The following NELL1 variants were observed in gnomAD, a reference collection of about 807,000 sequenced individuals.
NELL1 encodes neural EGFL like 1, also known as protein kinase C-binding protein NELL1.
Under a neutral mutation model 107.4 loss-of-function variants are expected in NELL1, and 76 were observed. The ratio of observed to expected loss-of-function variants is 0.71; its 90% CI spans 0.59 to 0.86. The LOEUF (loss-of-function observed/expected upper bound fraction) is 0.86. NELL1 is among the 40% of genes least tolerant of loss of function. NELL1 has a pLI of 0.00. For missense variants in NELL1, 1,024 were observed against 1,005.5 expected (o/e 1.02, Z -0.25); for synonymous variants, 353 against 341.2 (o/e 1.03, Z -0.38).
At chr11:20,733,983 T>C (rs1421998944) in intron 2 of NELL1, among the ~76,000 whole-genome samples, 1 of 151,882 alleles carries the variant, frequency 6.6e-6, no homozygotes, top group East Asian at 1.9e-4. Flanking sequence ...AGCAACAGAG[T>C]ACAGGTGATA....
At chr11:20,830,255 T>TC (rs1857979626) in intron 3 of NELL1, among the ~76,000 whole-genome samples, 2 of 145,520 alleles carry the variant, frequency 1.4e-5, no homozygotes, top group Non-Finnish European at 3.0e-5. Context: ...AGACACCATC[T>TC]CAAAAAAAAA....
intron 2 of NELL1, among the ~76,000 whole-genome samples, chr11:20,776,086 G>A (rs1353076483): frequency 3.9e-5 from 6 of 152,186 alleles, no homozygotes; most frequent in Non-Finnish European, 8.8e-5. Context: ...ACTGTGCTTG[G>A]TGTAGTGTAC....
In NELL1 at chr11:20,880,907, G is replaced by T. The variant is rs534368963; in HGVS notation, c.507-4537G>T. 7.9e-5 allele frequency among the ~76,000 whole-genome samples: 12 copies of T among 152,324 alleles called. No individual in the cohort carries two copies. The South Asian group carries it at 1.7e-3, about 21-fold the overall frequency. ...ATAAAGGGAAAGAGACAGCATGGAA[G>T]ATACCTGAGGGAGTTTTTAAATTAT... is the stretch of plus-strand genomic sequence containing the variant. On this transcript the variant is annotated intron_variant, in intron 4 of 19. Transcript: ENST00000357134.
intron 14 of NELL1, among the ~76,000 whole-genome samples, chr11:21,341,131 A>C (rs991616413): frequency 2.0e-5 from 3 of 152,156 alleles, no homozygotes; most frequent in African/African-American, 7.2e-5. Flanking sequence ...GCACTGACTG[A>C]TAAAAAGAAA....
chr11:21,489,941 C>G (rs1439920508), intron 15 of NELL1, among the ~76,000 whole-genome samples: 1 of 151,730 alleles, frequency 6.6e-6, no homozygotes. Flanking sequence ...ACTGGGAGCC[C>G]TCAGCAAAAC....
chr11:20,709,653 T>G (rs1855062445), intron 2 of NELL1, among the ~76,000 whole-genome samples: 1 of 152,224 alleles, frequency 6.6e-6, no homozygotes, highest in Non-Finnish European at 1.5e-5. Flanking sequence ...TTCACAATAT[T>G]GATTCTACCC....
intron 13 of NELL1, among the ~76,000 whole-genome samples, chr11:21,218,011 A>C (rs974678500): frequency 6.6e-6 from 1 of 152,234 alleles, no homozygotes; most frequent in African/African-American, 2.4e-5. Context: ...TTAGTGCTTG[A>C]ATATTAGTTA....
At chr11:20,696,542 C>T (rs1175180427) in intron 2 of NELL1, among the ~76,000 whole-genome samples, 4 of 151,970 alleles carry the variant, frequency 2.6e-5, no homozygotes, top group Non-Finnish European at 5.9e-5. Flanking sequence ...CAAAAGGGAC[C>T]TAATAAATGA....
In NELL1 at chr11:21,500,877, G is replaced by A. The variant is rs553601079; in HGVS notation, c.1646-33497G>A. ...ACTGATGTCCAACATCATACTTGCC[G>A]TTGTTAAGTGTAAGACTCAAACTCA... On this transcript the variant is annotated intron_variant, in intron 15 of 19. Transcript: ENST00000357134. 5.9e-5 allele frequency among the ~76,000 whole-genome samples: 9 copies of A among 152,180 alleles called. No homozygotes were observed. In the South Asian group the frequency reaches 1.0e-3, roughly 18 times the overall value.
At chr11:21,273,233 G>A (rs551206671) in intron 14 of NELL1, among the ~76,000 whole-genome samples, 1 of 152,236 alleles carries the variant, frequency 6.6e-6, no homozygotes, top group Admixed American at 6.5e-5. Flanking sequence ...TGAAAACCAA[G>A]GCATGCGAAC....
At chr11:20,818,195 C>T (rs1857666049) in intron 3 of NELL1, among the ~76,000 whole-genome samples, 1 of 152,126 alleles carries the variant, frequency 6.6e-6, no homozygotes, top group Non-Finnish European at 1.5e-5. Flanking sequence ...AAGTCCCCAA[C>T]TATTATGTGT....
Position 20,947,367 on chromosome 11 carries a change from G to A in NELL1, c.1103G>A (p.Cys368Tyr). The A allele has an allele frequency of 6.2e-7, 1 of 1,613,898 alleles. No homozygotes were observed. ...GGVLVKITEM[C>Y]PPLNCSEKDH... is the part of the protein sequence containing the mutation. The stretch of plus-strand genomic sequence containing the variant: ...GTTTTAGTAAAAATTACAGAAATGT[G>A]TCCTCCTTTGAACTGCTCAGAAAAG... Residue 368 changes from cysteine to tyrosine, a missense_variant, in exon 11 of 20, where the codon TGT becomes TAT. Cys to Tyr is a radical substitution (Grantham distance 194, BLOSUM62 -2). Transcript: ENST00000357134.
chr11:20,819,163 C>A (rs1323885124), intron 3 of NELL1, among the ~76,000 whole-genome samples: 1 of 152,096 alleles, frequency 6.6e-6, no homozygotes, highest in African/African-American at 2.4e-5. Flanking sequence ...ATTTTTAATG[C>A]CATTTATTTG....
rs1565160413 is a variant in NELL1, at chr11:21,309,284, A to ATATATATATG, written c.1550-61560_1550-61559insGTATATATAT. On this transcript the variant is annotated intron_variant, in intron 14 of 19. Coordinates refer to ENST00000357134, the MANE Select transcript of NELL1 (RefSeq NM_006157.5). ...TGTATATATATATATATATATGTATATATATATATATATATGTATATATAT... is the reference window on the plus strand; with the variant it reads ...TGTATATATATATATATATATGTATATATATATATGTATATATATATATATGTATATATAT... 1.4e-3 allele frequency among the ~76,000 whole-genome samples: 91 copies of ATATATATATG among 62,778 alleles called. 1 individual carries two copies. Among genetic ancestry groups the ATATATATATG allele is most frequent in the Admixed American group, 3.5e-3 (19 of 5,420 alleles). The allele number at this position is 62,778 out of a possible 152,430, so 41.2% of individuals were successfully genotyped here. A position where few individuals can be genotyped will look rare whatever the true frequency, so the allele number is the denominator to read the frequency against.
intron 13 of NELL1, among the ~76,000 whole-genome samples, chr11:21,137,868 T>C (rs1855778926): frequency 6.6e-6 from 1 of 152,340 alleles, no homozygotes; most frequent in African/African-American, 2.4e-5. Flanking sequence ...GTGAATGCAC[T>C]GGCTCGATCT....
chr11:21,205,402 GT>G (rs1335402632), intron 13 of NELL1, among the ~76,000 whole-genome samples: 1 of 152,308 alleles, frequency 6.6e-6, no homozygotes, highest in Non-Finnish European at 1.5e-5. Flanking sequence ...CTGCGGCTTT[GT>G]TTACACCGTG....
rs538165905 is a variant in NELL1 at position 20,676,262 on chromosome 11, C to A, written c.56-1670C>A. Reference sequence around the variant, plus strand: ...CTTTCTAAAGTAGGACCCCCCCATCCAAGTTGCTTTCTATCCCATTACTCT... The same window carrying A: ...CTTTCTAAAGTAGGACCCCCCCATCAAAGTTGCTTTCTATCCCATTACTCT... On this transcript the variant is annotated intron_variant, in intron 1 of 19. Transcript: ENST00000357134. Among the ~76,000 whole-genome samples, 4 of 149,846 alleles carry A rather than the reference C, an allele frequency of 2.7e-5. No individual in the cohort carries two copies. The South Asian group carries it at 8.7e-4, about 33-fold the overall frequency.
At chr11:21,490,368 G>T (rs1305443114) in intron 15 of NELL1, among the ~76,000 whole-genome samples, 1 of 141,974 alleles carries the variant, frequency 7.0e-6, no homozygotes, top group African/African-American at 2.6e-5. Flanking sequence ...ACTGTCCAAA[G>T]AAATATACAG....
At chr11:21,420,693 C>T (rs929633425) in intron 15 of NELL1, among the ~76,000 whole-genome samples, 1 of 152,130 alleles carries the variant, frequency 6.6e-6, no homozygotes, top group African/African-American at 2.4e-5. Flanking sequence ...CATCAGAAGA[C>T]TGGAGGTTTG....
Sources: gnomAD v4.1 joint callset for allele counts (sites outside exome capture counted in the v4.1 genomes callset) on GRCh38, gnomAD v4.1.1 for gene constraint, MANE v1.5 for transcripts, NCBI Gene and HGNC (gene_info 2026-07-23, HGNC 2026-07-21) for gene names.